Variants in RNF220 observed in about 807,000 individuals in gnomAD.
The protein encoded by RNF220 is E3 ubiquitin-protein ligase RNF220.
Under a neutral mutation model 67.1 loss-of-function variants are expected in RNF220, and 7 were observed. The observed-to-expected ratio is 0.10, with a 90% confidence interval of 0.06 to 0.20. The LOEUF (loss-of-function observed/expected upper bound fraction) is 0.20. Ranked by LOEUF, RNF220 falls within the 10% of genes least tolerant of loss-of-function variation. The pLI is 1.00. For synonymous variants in RNF220, 270 were observed against 283.2 expected, an observed-to-expected ratio of 0.95 and a Z score of 0.47; for missense variants, 565 against 740.3, an observed-to-expected ratio of 0.76 and a Z score of 2.75.
At chr1:44,485,077 A>G (rs1455618940) in intron 2 of RNF220, among the ~76,000 whole-genome samples, 1 of 152,228 alleles carries the variant, frequency 6.6e-6, no homozygotes, top group Admixed American at 6.5e-5. Flanking sequence ...CGGAGGTTAC[A>G]GTGAGCTGAG....
chr1:44,473,247 T>G (rs1654979660), intron 2 of RNF220, among the ~76,000 whole-genome samples: 1 of 152,106 alleles, frequency 6.6e-6, no homozygotes. Flanking sequence ...CTATAAAGAT[T>G]CAAATCATAA....
chr1:44,425,437 G>C (rs751854808), intron 2 of RNF220, among the ~76,000 whole-genome samples: 2 of 152,270 alleles, frequency 1.3e-5, no homozygotes, highest in South Asian at 4.1e-4. Context: ...TGTTTCTTCT[G>C]CTGAGTTTGC....
intron 2 of RNF220, among the ~76,000 whole-genome samples, chr1:44,413,524 G>A (rs1272029140): frequency 1.3e-5 from 2 of 152,210 alleles, no homozygotes; most frequent in African/African-American, 4.8e-5. Context: ...TTTGGAACTT[G>A]TAGACTAGGA....
chr1:44,557,550 C>T (rs1663211640), intron 2 of RNF220, among the ~76,000 whole-genome samples: 1 of 144,388 alleles, frequency 6.9e-6, no homozygotes, highest in Non-Finnish European at 1.5e-5. Context: ...AAACTAGGAT[C>T]ATCCATATTC....
intron 2 of RNF220, among the ~76,000 whole-genome samples, chr1:44,427,169 A>T (rs1255344142): frequency 1.3e-5 from 2 of 152,206 alleles, no homozygotes; most frequent in Non-Finnish European, 2.9e-5. Flanking sequence ...TTTAAGCAAT[A>T]TGCCCATTGT....
intron 2 of RNF220, among the ~76,000 whole-genome samples, chr1:44,455,590 T>C (rs777176217): frequency 4.2e-4 from 64 of 152,284 alleles, no homozygotes; most frequent in Non-Finnish European, 8.1e-4. Flanking sequence ...GTATTTTAAG[T>C]AGGTTATAAG....
chr1:44,620,052 G>A (rs959169585), intron 3 of RNF220, among the ~76,000 whole-genome samples: 2 of 152,228 alleles, frequency 1.3e-5, no homozygotes, highest in African/African-American at 4.8e-5. Flanking sequence ...GAAGCCCAGA[G>A]TCAGCAGTTC....
chr1:44,431,406 C>T (rs534600272), intron 2 of RNF220, among the ~76,000 whole-genome samples: 8 of 150,040 alleles, frequency 5.3e-5, no homozygotes, highest in African/African-American at 2.0e-4. Context: ...CAGAGAATTG[C>T]TTAAACTTGG....
At chr1:44,513,044 C>G (rs978223027) in intron 2 of RNF220, among the ~76,000 whole-genome samples, 56 of 152,186 alleles carry the variant, frequency 3.7e-4, no homozygotes, top group African/African-American at 1.3e-3. Flanking sequence ...TCCCAAGGGT[C>G]TTCTCTGACT....
chr1:44,570,240 G>A (rs1047208957), intron 2 of RNF220, among the ~76,000 whole-genome samples: 12 of 152,196 alleles, frequency 7.9e-5, no homozygotes, highest in African/African-American at 2.7e-4. Flanking sequence ...TGAGGGTGGA[G>A]GTCCTGTTCC....
intron 8 of RNF220, among the ~76,000 whole-genome samples, chr1:44,639,130 CA>C (rs1644415421): frequency 6.6e-6 from 1 of 152,182 alleles, no homozygotes; most frequent in East Asian, 1.9e-4. Context: ...CTGGGCAGAG[CA>C]AGGGGCTTCT....
chr1:44,459,971 G>T (rs754847834), intron 2 of RNF220, among the ~76,000 whole-genome samples: 8 of 152,204 alleles, frequency 5.3e-5, no homozygotes, highest in Non-Finnish European at 1.0e-4. Flanking sequence ...CTGAGACGAG[G>T]ATTAGTCTAT....
chr1:44,582,381 C>T (rs1265764220), intron 2 of RNF220, among the ~76,000 whole-genome samples: 1 of 152,132 alleles, frequency 6.6e-6, no homozygotes, highest in Non-Finnish European at 1.5e-5. Context: ...AAGGGCCCTC[C>T]AGCAAAGAGA....
At chr1:44,454,112 G>A (rs972061224) in intron 2 of RNF220, among the ~76,000 whole-genome samples, 4 of 151,968 alleles carry the variant, frequency 2.6e-5, no homozygotes, top group African/African-American at 4.8e-5. Flanking sequence ...TAAGTCTCAG[G>A]GATCTTCACA....
chr1:44,541,380 A>T (rs972647340), intron 2 of RNF220, among the ~76,000 whole-genome samples: 1 of 152,206 alleles, frequency 6.6e-6, no homozygotes, highest in East Asian at 1.9e-4. Context: ...GTAAGCCAAG[A>T]TCGTGCCACT....
chr1:44,492,055 A>G (rs193061719), intron 2 of RNF220, among the ~76,000 whole-genome samples: 6 of 152,358 alleles, frequency 3.9e-5, no homozygotes, highest in Admixed American at 3.3e-4. Flanking sequence ...CAGATTGGAA[A>G]GAAAGAAGTA....
chr1:44,498,301 G>A (rs1279877875), intron 2 of RNF220, among the ~76,000 whole-genome samples: 1 of 152,056 alleles, frequency 6.6e-6, no homozygotes, highest in African/African-American at 2.4e-5. Flanking sequence ...AGCACACACA[G>A]CCTCACCACC....
chr1:44,435,020 C>T (rs1192508661), intron 2 of RNF220, among the ~76,000 whole-genome samples: 7 of 123,882 alleles, frequency 5.7e-5, no homozygotes, highest in Non-Finnish European at 1.3e-4. Context: ...CAGCAAGATC[C>T]TGTCTCTTAA....
At chr1:44,480,625 G>T (rs1655713099) in intron 2 of RNF220, among the ~76,000 whole-genome samples, 1 of 152,122 alleles carries the variant, frequency 6.6e-6, no homozygotes, top group Non-Finnish European at 1.5e-5. Flanking sequence ...AAATGGGCCG[G>T]GGGCAGTGGC....
Sources: gnomAD v4.1 joint callset for allele counts (sites outside exome capture counted in the v4.1 genomes callset) on GRCh38, gnomAD v4.1.1 for gene constraint, MANE v1.5 for transcripts, NCBI Gene and HGNC (gene_info 2026-07-23, HGNC 2026-07-21) for gene names.